NLRP5: variants seen among roughly 807,000 people sequenced by gnomAD.
NLRP5 encodes NACHT, LRR and PYD domains-containing protein 5.
Under a neutral mutation model 113.1 loss-of-function variants are expected in NLRP5, and 93 were observed. The ratio of observed to expected loss-of-function variants is 0.82; its 90% CI spans 0.70 to 0.98. The LOEUF is 0.98. Among genes scored for constraint, NLRP5 ranks in the 50% least tolerant of loss-of-function variants. The probability of loss-of-function intolerance (pLI) is 0.00; values close to 1 mark genes in which losing one functional copy is unlikely to be tolerated. For missense variants in NLRP5, 1,808 were observed against 1,514.3 expected (o/e 1.19, Z -3.22); for synonymous variants, 751 against 600.7 (o/e 1.25, Z -3.66).
intron 12 of NLRP5, among the ~76,000 whole-genome samples, chr19:56,051,238 G>A (rs1020620159): frequency 6.6e-6 from 1 of 152,122 alleles, no homozygotes; most frequent in Non-Finnish European, 1.5e-5. Flanking sequence ...TGTTGCCCAG[G>A]CTAGAGTGCA....
chr19:55,991,160 A>G, the NLRP5 span, among the ~76,000 whole-genome samples: 2 of 152,114 alleles, frequency 1.3e-5, no homozygotes. Context: ...TTAATCTGTC[A>G]TCTTGTCTCT....
chr19:56,040,041 C>A (rs1478746169), intron 10 of NLRP5, among the ~76,000 whole-genome samples: 1 of 152,140 alleles, frequency 6.6e-6, no homozygotes, highest in East Asian at 1.9e-4. Flanking sequence ...GCCTCTACCT[C>A]CCAGGCTCCA....
intron 7 of NLRP5, among the ~76,000 whole-genome samples, chr19:56,030,229 G>A (rs573997932): frequency 9.8e-4 from 149 of 152,066 alleles, no homozygotes; most frequent in Admixed American, 1.9e-3. Context: ...AATTAGTGGG[G>A]CGTGGTGGTG....
intron 9 of NLRP5, among the ~76,000 whole-genome samples, chr19:56,037,299 G>A (rs929480310): frequency 2.0e-5 from 3 of 152,200 alleles, no homozygotes; most frequent in Admixed American, 6.5e-5. Flanking sequence ...CGCAGCTGCC[G>A]AGGGGACCAT....
chr19:56,008,646 T>C (rs1184606787), intron 2 of NLRP5, 142 bp from the exon 3 acceptor site: 3 of 714,280 alleles, frequency 4.2e-6, no homozygotes, highest in Non-Finnish European at 7.3e-6. Context: ...GTCTCCGTTA[T>C]AGGCCAATCA....
upstream of NLRP5, chr19:55,999,723 A>T: frequency 6.2e-7 from 1 of 1,610,398 alleles, no homozygotes; most frequent in African/African-American, 1.3e-5. Flanking sequence ...TGGCGATGTT[A>T]TCATGAAGGT....
intron 9 of NLRP5, among the ~76,000 whole-genome samples, chr19:56,036,671 C>T (rs1052658123): frequency 1.3e-5 from 2 of 152,150 alleles, no homozygotes; most frequent in South Asian, 2.1e-4. Context: ...TAAAATTCAA[C>T]ACAGACCAGG....
At chr19:56,003,662 T>C in intron 1 of NLRP5, 74 bp from the exon 2 acceptor site, 4 of 1,514,166 alleles carry the variant, frequency 2.6e-6, no homozygotes, top group Non-Finnish European at 3.5e-6. Context: ...TCTAGTGAGG[T>C]GATTGATGTT....
Position 56,012,439 on chromosome 19 carries a change from C to T in NLRP5, c.509-3303C>T, listed in dbSNP as rs1255431185. Among the ~76,000 whole-genome samples the T allele has an allele frequency of 2.2e-5, 3 of 135,526 alleles. No homozygotes were observed. In the South Asian group the frequency reaches 7.1e-4, roughly 32 times the overall value. The allele number at this position is 135,526 out of a possible 152,430, so 88.9% of individuals were successfully genotyped here. On this transcript the variant is annotated intron_variant, in intron 3 of 14. Coordinates refer to ENST00000390649, the MANE Select transcript of NLRP5 (RefSeq NM_153447.4). Reference sequence around the variant, plus strand: ...CTGAGATTACAGGCATGAGCCACTGCGCCTTGGCCTTTTTTTTTTTTTTTT... The same window carrying T: ...CTGAGATTACAGGCATGAGCCACTGTGCCTTGGCCTTTTTTTTTTTTTTTT...
the NLRP5 span, chr19:55,988,158 G>A: frequency 4.2e-5 from 12 of 285,906 alleles, no homozygotes; most frequent in South Asian, 3.3e-4. Flanking sequence ...ATGGGAGGTC[G>A]AGGTGGGCAG....
At position 56,036,991 on chromosome 19, in the gene NLRP5, A is replaced by G. The variant is rs76897619; in HGVS notation, c.2616-1034A>G. Among the ~76,000 whole-genome samples the G allele has an allele frequency of 4.3e-4, 65 of 152,194 alleles. No homozygotes were observed. The East Asian group carries it at 8.5e-3, about 20-fold the overall frequency. On this transcript the variant is annotated intron_variant, in intron 9 of 14. Coordinates refer to ENST00000390649, the MANE Select transcript of NLRP5 (RefSeq NM_153447.4). ...ATAATAAAATAAACCTGCTTCCTTC[A>G]TCTCTGCCCTAGCCAGGTACTGGCC...
Position 56,038,047 on chromosome 19 carries a change from C to G in NLRP5, c.2638C>G (p.His880Asp), listed in dbSNP as rs747432968. ...CAGGCTGGATTGCTGTGGATTGACCCATGCCTGTTACCTGAAGATCTCCCA... is the reference window on the plus strand; with the variant it reads ...CAGGCTGGATTGCTGTGGATTGACCGATGCCTGTTACCTGAAGATCTCCCA... Residue 880 changes from histidine (H) to aspartate (D), a missense_variant, in exon 10 of 15, where the codon CAT becomes GAT. His to Asp is a moderately conservative substitution (Grantham distance 81). Transcript: ENST00000390649. 4.3e-6 allele frequency: 7 copies of G among 1,613,992 alleles called. No homozygotes were observed. In the Admixed American group the frequency reaches 1.2e-4, roughly 27 times the overall value.
rs34956178 is a variant in NLRP5 at position 56,036,058 on chromosome 19, C to CTTTTTTTTTTTTTTTTTTTTTTT, written c.2616-1945_2616-1944insTTTTTTTTTTTTTTTTTTTTTTT. Among the ~76,000 whole-genome samples, 8 of 77,000 alleles carry CTTTTTTTTTTTTTTTTTTTTTTT rather than the reference C, an allele frequency of 1.0e-4. 1 individual carries two copies. The highest frequency in any genetic ancestry group is 2.8e-4 in the African/African-American group (5 of 17,612). 50.5% of individuals were successfully genotyped at this position (77,000 alleles called of 152,430 possible). ...ACATGCTGATGAATGAATTGAGATT[C>CTTTTTTTTTTTTTTTTTTTTTTT]TTTTTTTTTTTTTTTTTTTTTTGGA... On this transcript the variant is annotated intron_variant, in intron 9 of 14. Transcript: ENST00000390649.
At chr19:56,001,248 C>A (rs1330604073) in intron 1 of NLRP5, among the ~76,000 whole-genome samples, 2 of 148,766 alleles carry the variant, frequency 1.3e-5, no homozygotes, top group Non-Finnish European at 3.0e-5. Flanking sequence ...TTGCTTCAGC[C>A]CAGGAGTTCG....
At chr19:56,045,237 G>T (rs1024839061) in intron 11 of NLRP5, among the ~76,000 whole-genome samples, 5 of 152,086 alleles carry the variant, frequency 3.3e-5, no homozygotes, top group African/African-American at 1.2e-4. Flanking sequence ...TTCCAGTACT[G>T]TGTTGAAGAG....
intron 11 of NLRP5, among the ~76,000 whole-genome samples, chr19:56,050,208 A>C (rs1393080903): frequency 6.6e-6 from 1 of 150,872 alleles, no homozygotes; most frequent in Non-Finnish European, 1.5e-5. Flanking sequence ...TGTGTCCAGG[A>C]GGCAGAGGCT....
rs201835640 is a variant in NLRP5, at chr19:56,027,248, G to A, written c.1015G>A (p.Glu339Lys). The change falls in exon 7 of 15, where the codon GAG (glutamate) becomes AAG (lysine). Residue 339 changes from glutamate to lysine, a missense_variant. By Grantham distance (56) the Glu-to-Lys change is moderately conservative (BLOSUM62 1). Coordinates refer to ENST00000390649, the MANE Select transcript of NLRP5 (RefSeq NM_153447.4). Reference sequence around the variant, plus strand: ...CAGTGTCACAGAGTTCATCTCCAGGGAGTGGCCAGACTCCCAGGCTCCGGT... The same window carrying A: ...CAGTGTCACAGAGTTCATCTCCAGGAAGTGGCCAGACTCCCAGGCTCCGGT... 1 of 1,612,600 alleles carries A rather than the reference G, an allele frequency of 6.2e-7. No homozygotes were observed. Among genetic ancestry groups the A allele is most frequent in the Non-Finnish European group, 8.5e-7 (1 of 1,179,790 alleles).
In NLRP5 at chr19:56,003,461, G is replaced by T. The variant is rs536960057; in HGVS notation, c.63-255G>T. 1.2e-3 allele frequency among the ~76,000 whole-genome samples: 189 copies of T among 152,312 alleles called. 1 individual carries two copies. In the Middle Eastern group the frequency reaches 0.024, roughly 19 times the overall value. ...GAGCCACTGCACCTGGCCATTGCCAGTGTTTTTGAGTATGACATACTAGCT... is the reference window on the plus strand; with the variant it reads ...GAGCCACTGCACCTGGCCATTGCCATTGTTTTTGAGTATGACATACTAGCT... On this transcript the variant is annotated intron_variant, in intron 1 of 14. Transcript: ENST00000390649.
chr19:56,052,145 C>T (rs1224343095), intron 12 of NLRP5, among the ~76,000 whole-genome samples: 1 of 152,158 alleles, frequency 6.6e-6, no homozygotes, highest in Non-Finnish European at 1.5e-5. Flanking sequence ...AGGGTTGGCC[C>T]TCACAACTGC....
Sources: allele counts gnomAD v4.1 joint callset (sites outside exome capture counted in the v4.1 genomes callset), GRCh38; gene constraint gnomAD v4.1.1; transcripts MANE v1.5; gene names NCBI Gene and HGNC (gene_info 2026-07-23, HGNC 2026-07-21).